IGDCC3: variants seen among roughly 807,000 people sequenced by gnomAD.
IGDCC3 encodes immunoglobulin superfamily DCC subclass member 3, also known as putative neuronal cell adhesion molecule.
Under a neutral mutation model 72.0 loss-of-function variants are expected in IGDCC3, and 47 were observed. The observed-to-expected ratio is 0.65, with a 90% CI of 0.52 to 0.83. The LOEUF is 0.83. Among genes scored for constraint, IGDCC3 ranks in the 40% least tolerant of loss-of-function variants. The pLI, the probability that IGDCC3 is intolerant of heterozygous loss-of-function variation, is 0.00. For missense variants in IGDCC3, 1,038 were observed against 1,091.3 expected, an observed-to-expected ratio of 0.95 and a Z score of 0.69; for synonymous variants, 477 against 472.8, an observed-to-expected ratio of 1.01 and a Z score of -0.11.
chr15:65,328,735 G>T lies in IGDCC3; in HGVS notation c.*174C>A. 1.4e-6 allele frequency: 1 copy of T among 699,878 alleles called. No homozygotes were observed. Among genetic ancestry groups the T allele is most frequent in the Non-Finnish European group, 2.1e-6 (1 of 473,694 alleles). 43.4% of individuals were successfully genotyped at this position (699,878 alleles called of 1,614,324 possible). On this transcript the variant is annotated 3_prime_UTR_variant, in exon 14 of 14. Transcript: ENST00000327987. ...GCTCCAACTCCTGATGGGTGTTAGG[G>T]CCGGGGGGTCCCTGTCAAGGCTGCC...
chr15:65,335,813 T>C lies in IGDCC3; in HGVS notation c.553A>G (p.Arg185Gly). The C allele has an allele frequency of 6.2e-7, 1 of 1,614,072 alleles. No homozygotes were observed. The highest frequency in any genetic ancestry group is 8.5e-7 in the Non-Finnish European group (1 of 1,179,982). The change falls in exon 3 of 14, where the codon AGG becomes GGG. Residue 185 changes from arginine (R) to glycine (G), a missense_variant and splice_region_variant. Transcript: ENST00000327987. ...CTGTCTTTCCCACACGTGGCTCACC[T>C]CTCATTGTCCGTGTCAATTGGGACT... ...NRVPIDTDNE[R>G]YTLLPKGVLQ...
At position 65,329,362 on chromosome 15, in the gene IGDCC3, G is replaced by T. The variant is rs1052852538; in HGVS notation, c.2205+28C>A. On this transcript the variant is annotated intron_variant, in intron 13 of 13. Transcript: ENST00000327987. The surrounding 1 kb of genome is among the most constrained non-coding windows in gnomAD (Gnocchi z 4.1). ...GGTGGCAGTGTCAGAGCCTGAGGCG[G>T]GGGTTTGTTTAAGACATGGGCACTC... The T allele has an allele frequency of 1.3e-6, 2 of 1,569,010 alleles. No homozygotes were observed. The highest frequency in any genetic ancestry group is 1.4e-5 in the African/African-American group (1 of 72,778).
chr15:65,334,597 G>T, intron 5 of IGDCC3, 131 bp downstream of exon 5: 2 of 864,172 alleles, frequency 2.3e-6, no homozygotes, highest in Non-Finnish European at 3.4e-6. Flanking sequence ...AGGTCACAGG[G>T]ATAGAATGGA....
chr15:65,335,011 G>T, intron 4 of IGDCC3, 146 bp from the exon 5 acceptor site: 1 of 1,009,894 alleles, frequency 9.9e-7, no homozygotes, highest in Admixed American at 2.9e-5. Context: ...AGGAGACCAG[G>T]ACGTTCCAGA....
intron 9 of IGDCC3, 95 bp downstream of exon 9, chr15:65,330,955 T>C: frequency 6.9e-7 from 1 of 1,455,104 alleles, no homozygotes; most frequent in Non-Finnish European, 9.4e-7. Flanking sequence ...CCGGGCACCC[T>C]GCACAGCGCA....
intron 2 of IGDCC3, among the ~76,000 whole-genome samples, chr15:65,369,684 G>A (rs1262820104): frequency 6.6e-6 from 1 of 152,140 alleles, no homozygotes; most frequent in Non-Finnish European, 1.5e-5. Flanking sequence ...AAGAAGGAGA[G>A]AAGAACTTGC....
chr15:65,358,133 T>C (rs2091237715), intron 2 of IGDCC3, among the ~76,000 whole-genome samples: 1 of 148,774 alleles, frequency 6.7e-6, no homozygotes, highest in South Asian at 2.1e-4. Flanking sequence ...TGAGACAGGG[T>C]CTCACTTTGT....
chr15:65,362,848 T>C (rs1278589797), intron 2 of IGDCC3, among the ~76,000 whole-genome samples: 1 of 75,012 alleles, frequency 1.3e-5, no homozygotes, highest in Non-Finnish European at 2.4e-5. Context: ...GTTTGGGGAT[T>C]TTTTTTTTTT....
chr15:65,334,687 G>A, intron 5 of IGDCC3, 41 bp downstream of exon 5: 2 of 1,497,400 alleles, frequency 1.3e-6, no homozygotes, highest in Non-Finnish European at 1.8e-6. Flanking sequence ...CAGGGGGTGG[G>A]ACAGGCTGGG....
Position 65,329,736 on chromosome 15 carries a change from G to T in IGDCC3, c.1987C>A (p.Gln663Lys). The T allele has an allele frequency of 6.2e-7, 1 of 1,614,088 alleles. No individual in the cohort carries two copies. Among genetic ancestry groups the T allele is most frequent in the South Asian group, 1.1e-5 (1 of 91,070 alleles). Reference protein sequence around the residue: ...IFCVLFLLFGQRGRVLLCKDV... With the variant: ...IFCVLFLLFGKRGRVLLCKDV... ...TGGCCCAGGACCCACCTGCCCCTTT[G>T]GCCGAACAGGAGGAAGAGGACACAG... The change falls in exon 12 of 14, where the codon CAA becomes AAA. Residue 663 changes from glutamine to lysine, a missense_variant. Gln to Lys is a moderately conservative substitution (Grantham distance 53). Transcript: ENST00000327987. The surrounding 1 kb of genome is among the most constrained non-coding windows in gnomAD (Gnocchi z 4.1).
At chr15:65,340,748 TGA>T (rs1225359093) in intron 2 of IGDCC3, among the ~76,000 whole-genome samples, 3 of 152,240 alleles carry the variant, frequency 2.0e-5, no homozygotes, top group Non-Finnish European at 4.4e-5. Flanking sequence ...TTTTGTTTTT[TGA>T]GAGAGACTCA....
chr15:65,329,275 G>T lies in IGDCC3; in HGVS notation c.2205+115C>A. The T allele has an allele frequency of 6.8e-7, 1 of 1,476,946 alleles. No individual in the cohort carries two copies. Among genetic ancestry groups the T allele is most frequent in the Non-Finnish European group, 9.1e-7 (1 of 1,098,872 alleles). 91.5% of individuals were successfully genotyped at this position (1,476,946 alleles called of 1,614,324 possible). ...ACTCAGGGACACAAAGAGAAGACCT[G>T]CAGTTTGACTAAGGCCAATGATCGA... On this transcript the variant is annotated intron_variant, in intron 13 of 13. Coordinates refer to ENST00000327987, the MANE Select transcript of IGDCC3 (RefSeq NM_004884.4). The surrounding 1 kb of genome is among the most constrained non-coding windows in gnomAD (Gnocchi z 4.1).
intron 2 of IGDCC3, among the ~76,000 whole-genome samples, chr15:65,368,138 T>C (rs2091299672): frequency 7.0e-6 from 1 of 143,078 alleles, no homozygotes; most frequent in Non-Finnish European, 1.5e-5. Flanking sequence ...CAAGCTACTG[T>C]GGAAAACTCT....
At chr15:65,370,667 T>C (rs2091320848) in intron 2 of IGDCC3, among the ~76,000 whole-genome samples, 1 of 145,360 alleles carries the variant, frequency 6.9e-6, no homozygotes, top group Middle Eastern at 3.7e-3. Flanking sequence ...ACCTTAATAA[T>C]AGTTAAGGAA....
intron 2 of IGDCC3, among the ~76,000 whole-genome samples, chr15:65,351,423 A>T (rs922983039): frequency 1.1e-4 from 16 of 151,952 alleles, no homozygotes; most frequent in African/African-American, 3.6e-4. Context: ...AGTCCCAGCT[A>T]CTTGGGAGGC....
chr15:65,336,907 C>G (rs2091034621), intron 2 of IGDCC3, among the ~76,000 whole-genome samples: 2 of 152,180 alleles, frequency 1.3e-5, no homozygotes, highest in Non-Finnish European at 2.9e-5. Flanking sequence ...TTAAAATCCA[C>G]TTTGCTTCAA....
Position 65,331,491 on chromosome 15 carries a change from C to A in IGDCC3, c.1317G>T (p.Glu439Asp), listed in dbSNP as rs769847026. Residue 439 changes from glutamate (E) to aspartate (D), a missense_variant, in exon 8 of 14, where the codon GAG becomes GAT. Glu to Asp is a conservative substitution (Grantham distance 45, BLOSUM62 2). Transcript: ENST00000327987. ...GCGGCTCACTCCAGGACACACGCAC[C>A]TCAGTGGAAGACACAGAGACTGCCC... is the stretch of plus-strand genomic sequence containing the variant. Reference protein sequence around the residue: ...NVRAVSVSSTEVRVSWSEPLA... With the variant: ...NVRAVSVSSTDVRVSWSEPLA... 1 of 1,613,694 alleles carries A rather than the reference C, an allele frequency of 6.2e-7. No homozygotes were observed. The highest frequency in any genetic ancestry group is 8.5e-7 in the Non-Finnish European group (1 of 1,180,010).
chr15:65,357,593 T>G (rs749280038), intron 2 of IGDCC3, among the ~76,000 whole-genome samples: 31 of 152,256 alleles, frequency 2.0e-4, no homozygotes, highest in Non-Finnish European at 4.3e-4. Flanking sequence ...AGGAGCCAAG[T>G]TGTTCCTTGC....
rs1466131864 is a variant in IGDCC3, at chr15:65,330,067, C to A, written c.1859-203G>T. On this transcript the variant is annotated intron_variant, in intron 11 of 13. Coordinates refer to ENST00000327987, the MANE Select transcript of IGDCC3 (RefSeq NM_004884.4). The stretch of plus-strand genomic sequence containing the variant: ...CTAGGAATAGCATGGACCATTTCAT[C>A]CTTGCCACAGCTTTGTAAAGTAGGT... Among the ~76,000 whole-genome samples the A allele has an allele frequency of 1.3e-5, 2 of 152,158 alleles. No individual in the cohort carries two copies. The highest frequency in any genetic ancestry group is 2.9e-5 in the Non-Finnish European group (2 of 68,040).
Sources: gnomAD v4.1 joint callset for allele counts (sites outside exome capture counted in the v4.1 genomes callset) on GRCh38, gnomAD v4.1.1 for gene constraint, Gnocchi (gnomAD v3.1) non-coding constraint, MANE v1.5 for transcripts, NCBI Gene and HGNC (gene_info 2026-07-23, HGNC 2026-07-21) for gene names.